The following FOXN3 variants were observed in gnomAD, a reference collection of about 807,000 sequenced individuals.
FOXN3 encodes the protein forkhead box N3, also known as forkhead box protein N3.
Under a neutral mutation model 38.4 loss-of-function variants are expected in FOXN3, and 7 were observed. That is an observed-to-expected ratio of 0.18 (90% confidence interval 0.10 to 0.34). The LOEUF is 0.34. Among genes scored for constraint, FOXN3 ranks in the 10% least tolerant of loss-of-function variants. FOXN3 has a pLI of 1.00. For missense variants in FOXN3, 456 were observed against 613.4 expected (o/e 0.74, Z 2.71); for synonymous variants, 230 against 242.2 (o/e 0.95, Z 0.47).
At chr14:89,413,127 C>G (rs557242489) in intron 1 of FOXN3, among the ~76,000 whole-genome samples, 1 of 151,970 alleles carries the variant, frequency 6.6e-6, no homozygotes, top group Non-Finnish European at 1.5e-5. Context: ...GAAAAGAAAA[C>G]GAGGAGGTGG....
intron 3 of FOXN3, among the ~76,000 whole-genome samples, chr14:89,332,261 G>A (rs1888271165): frequency 6.6e-6 from 1 of 152,164 alleles, no homozygotes; most frequent in Admixed American, 6.5e-5. Flanking sequence ...CTAAGTCAAT[G>A]ATTTTAAATA....
At chr14:89,200,628 C>G (rs777417566) in intron 4 of FOXN3, among the ~76,000 whole-genome samples, 27 of 152,232 alleles carry the variant, frequency 1.8e-4, no homozygotes, top group Non-Finnish European at 3.7e-4. Flanking sequence ...GCAACAAGAA[C>G]CGCTTTAACT....
intron 1 of FOXN3, among the ~76,000 whole-genome samples, chr14:89,513,239 C>T (rs762134299): frequency 3.3e-5 from 5 of 151,592 alleles, no homozygotes; most frequent in Non-Finnish European, 7.4e-5. Flanking sequence ...TTTCCACAGT[C>T]CCATCCTGTT....
intron 5 of FOXN3, among the ~76,000 whole-genome samples, chr14:89,168,481 A>G (rs1285649035): frequency 6.6e-6 from 1 of 152,198 alleles, no homozygotes; most frequent in Non-Finnish European, 1.5e-5. Context: ...AAATTAATTA[A>G]TCTACACTGA....
chr14:89,601,059 C>T (rs982370462), intron 1 of FOXN3, among the ~76,000 whole-genome samples: 30 of 152,122 alleles, frequency 2.0e-4, no homozygotes, highest in Admixed American at 1.3e-4. Flanking sequence ...AAGTGAACTC[C>T]TTTGGGCTGG....
At chr14:89,446,000 G>A (rs1180497293) in intron 1 of FOXN3, among the ~76,000 whole-genome samples, 2 of 148,202 alleles carry the variant, frequency 1.3e-5, no homozygotes, top group Non-Finnish European at 1.5e-5. Context: ...TACTTGGAAG[G>A]CTGAGGTGGG....
chr14:89,414,256 C>T (rs547085943), intron 1 of FOXN3, among the ~76,000 whole-genome samples: 86 of 151,830 alleles, frequency 5.7e-4, no homozygotes, highest in Non-Finnish European at 1.0e-3. Context: ...GGTTGAGGCT[C>T]ACTGCACTCC....
Position 89,178,760 on chromosome 14 carries a change from C to T in FOXN3, c.851+1941G>A, listed in dbSNP as rs79582476. Among the ~76,000 whole-genome samples the T allele has an allele frequency of 7.9e-3, 1,203 of 152,208 alleles. 12 individuals are homozygous for T. Among genetic ancestry groups the T allele is most frequent in the African/African-American group, 0.028 (1,145 of 41,526 alleles). On this transcript the variant is annotated intron_variant, in intron 5 of 5. Coordinates refer to ENST00000557258, the MANE Select transcript of FOXN3 (RefSeq NM_005197.4). ...GAGAGTAAGAATTAAAATGAGAAGG[C>T]GGCTCCTGTTGAAGGTCCACCTGTT...
chr14:89,231,184 C>CT (rs1218228694), intron 4 of FOXN3, among the ~76,000 whole-genome samples: 4 of 151,850 alleles, frequency 2.6e-5, no homozygotes, highest in African/African-American at 9.7e-5. Context: ...CCAAACTGCT[C>CT]TTTTAAAATA....
chr14:89,185,204 C>T (rs528766196), intron 4 of FOXN3, among the ~76,000 whole-genome samples: 53 of 152,282 alleles, frequency 3.5e-4, no homozygotes, highest in African/African-American at 1.1e-3. Context: ...GGAGAGATGG[C>T]GGATGTGCTC....
intron 3 of FOXN3, among the ~76,000 whole-genome samples, chr14:89,350,004 G>A (rs1027526732): frequency 2.6e-5 from 4 of 152,022 alleles, no homozygotes; most frequent in Admixed American, 1.3e-4. Context: ...TAAAAATTTG[G>A]TTCTGATTAT....
At chr14:89,380,117 A>G (rs533712012) in intron 2 of FOXN3, among the ~76,000 whole-genome samples, 1 of 152,142 alleles carries the variant, frequency 6.6e-6, no homozygotes, top group Admixed American at 6.5e-5. Flanking sequence ...TAATTCCCAC[A>G]TGTCGGGGGA....
intron 1 of FOXN3, among the ~76,000 whole-genome samples, chr14:89,489,358 C>T (rs1893524949): frequency 6.6e-6 from 1 of 152,194 alleles, no homozygotes; most frequent in Non-Finnish European, 1.5e-5. Context: ...CTAATTAACA[C>T]TTGTTATCCT....
In FOXN3 at chr14:89,162,532, T is replaced by G; in HGVS notation, c.1289A>C (p.Glu430Ala). ...TEKPPESDDE[E>A]MKEAAGSLLH... ...GAGGGACCCTGCCGCTTCTTTCATC[T>G]CCTCATCATCGCTCTCGGGGGGCTT... Residue 430 changes from glutamate to alanine, a missense_variant, in exon 6 of 6, where the codon GAG becomes GCG. Transcript: ENST00000557258. The surrounding 1 kb of genome is among the most constrained non-coding windows in gnomAD (Gnocchi z 7.2). The G allele has an allele frequency of 1.9e-6, 3 of 1,613,510 alleles. No individual in the cohort carries two copies. The highest frequency in any genetic ancestry group is 1.7e-6 in the Non-Finnish European group (2 of 1,179,842).
At chr14:89,302,931 C>G (rs1344901350) in intron 3 of FOXN3, among the ~76,000 whole-genome samples, 2 of 152,174 alleles carry the variant, frequency 1.3e-5, no homozygotes, top group African/African-American at 2.4e-5. Context: ...GTAGGGCATT[C>G]TTTGCCTGCA....
Position 89,412,632 on chromosome 14 carries a change from A to G in FOXN3, c.-14-142T>C, listed in dbSNP as rs1173732741. The G allele has an allele frequency of 4.9e-6, 3 of 609,144 alleles. No individual in the cohort carries two copies. The highest frequency in any genetic ancestry group is 1.8e-5 in the African/African-American group (1 of 54,292). The allele number at this position is 609,144 out of a possible 1,614,324, so 37.7% of individuals were successfully genotyped here. A position where few individuals can be genotyped will look rare whatever the true frequency, so the allele number is the denominator to read the frequency against. ...AGGAACACCACCTTGTGACTCCCAC[A>G]CTAAGCAACACAATCCCACAATTCC... On this transcript the variant is annotated intron_variant, in intron 1 of 5. Coordinates refer to ENST00000557258, the MANE Select transcript of FOXN3 (RefSeq NM_005197.4). The surrounding 1 kb of genome is among the most constrained non-coding windows in gnomAD (Gnocchi z 4.7).
intron 4 of FOXN3, among the ~76,000 whole-genome samples, chr14:89,204,033 A>G (rs1888306594): frequency 6.7e-6 from 1 of 150,118 alleles, no homozygotes; most frequent in Admixed American, 6.8e-5. Flanking sequence ...AAATACCGGT[A>G]TAACCAGGCA....
intron 2 of FOXN3, among the ~76,000 whole-genome samples, chr14:89,353,123 G>A (rs546045637): frequency 6.6e-6 from 1 of 152,204 alleles, no homozygotes; most frequent in South Asian, 2.1e-4. Flanking sequence ...CAGGTGATCT[G>A]GAGCCACACA....
intron 1 of FOXN3, among the ~76,000 whole-genome samples, chr14:89,540,206 A>T (rs914495621): frequency 6.6e-6 from 1 of 152,196 alleles, no homozygotes; most frequent in African/African-American, 2.4e-5. Context: ...GACATTTCTG[A>T]GCAAATAGAG....
Sources: allele counts gnomAD v4.1 joint callset (sites outside exome capture counted in the v4.1 genomes callset), GRCh38; gene constraint gnomAD v4.1.1; non-coding constraint Gnocchi (gnomAD v3.1); transcripts MANE v1.5; gene names NCBI Gene and HGNC (gene_info 2026-07-23, HGNC 2026-07-21).